The following WWP1 variants were observed in gnomAD, a reference collection of about 807,000 sequenced individuals.
WWP1 encodes WW domain containing E3 ubiquitin protein ligase 1, also known as NEDD4-like E3 ubiquitin-protein ligase WWP1.
WWP1 carries 49 observed loss-of-function variants against 130.6 expected under a neutral mutation model. The observed-to-expected ratio is 0.38, with a 90% CI of 0.30 to 0.48. The LOEUF (loss-of-function observed/expected upper bound fraction) is 0.48, where lower values mean the gene tolerates loss of function less well. Among genes scored for constraint, WWP1 ranks in the 20% least tolerant of loss-of-function variants. The probability of loss-of-function intolerance (pLI) is 0.99; values close to 1 mark genes in which losing one functional copy is unlikely to be tolerated. For synonymous variants in WWP1, 332 were observed against 367.8 expected, an observed-to-expected ratio of 0.90 and a Z score of 1.11; for missense variants, 809 against 1,100.6, an observed-to-expected ratio of 0.74 and a Z score of 3.75.
At chr8:86,425,888 T>A (rs1360354848) in intron 10 of WWP1, among the ~76,000 whole-genome samples, 1 of 152,176 alleles carries the variant, frequency 6.6e-6, no homozygotes, top group Non-Finnish European at 1.5e-5. Context: ...TTCATAACTG[T>A]CTACATAACT....
chr8:86,353,104 A>G (rs1400436449), intron 1 of WWP1, among the ~76,000 whole-genome samples: 1 of 152,228 alleles, frequency 6.6e-6, no homozygotes, highest in Non-Finnish European at 1.5e-5. Flanking sequence ...GGTTGGGGGC[A>G]TGATGTGTCT....
intron 3 of WWP1, among the ~76,000 whole-genome samples, chr8:86,374,475 G>A (rs997578645): frequency 1.3e-5 from 2 of 151,526 alleles, no homozygotes; most frequent in African/African-American, 2.4e-5. Flanking sequence ...AAATATTTAA[G>A]TGGGATTACA....
At chr8:86,411,386 A>T in intron 8 of WWP1, 152 bp from the exon 9 acceptor site, 1 of 617,076 alleles carries the variant, frequency 1.6e-6, no homozygotes, top group Non-Finnish European at 2.7e-6. Context: ...TTTATGTTAC[A>T]TATTTTGAAA....
chr8:86,411,419 G>T, intron 8 of WWP1, 119 bp from the exon 9 acceptor site: 2 of 743,906 alleles, frequency 2.7e-6, no homozygotes, highest in South Asian at 4.9e-5. Flanking sequence ...CTGCTGTTTG[G>T]AGAATGGATT....
chr8:86,432,908 C>T (rs1483848646), intron 14 of WWP1, among the ~76,000 whole-genome samples: 1 of 152,100 alleles, frequency 6.6e-6, no homozygotes, highest in East Asian at 1.9e-4. Context: ...ACACCCAGCC[C>T]ACAGTTCATT....
At chr8:86,379,848 G>T (rs1824880531) in intron 3 of WWP1, among the ~76,000 whole-genome samples, 1 of 152,140 alleles carries the variant, frequency 6.6e-6, no homozygotes, top group Admixed American at 6.6e-5. Flanking sequence ...TGAATCTGAA[G>T]ACACTTTTCC....
rs553208357 is a variant in WWP1, at chr8:86,408,421, C to T, written c.725-3117C>T. 6.6e-5 allele frequency among the ~76,000 whole-genome samples: 10 copies of T among 152,264 alleles called. No individual in the cohort carries two copies. The East Asian group carries it at 9.6e-4, about 15-fold the overall frequency. ...AAAGTATGTTTACTTTTGTAACAAACGGCCAAACTGTCTTCCAAAGTGGCT... is the reference window on the plus strand; with the variant it reads ...AAAGTATGTTTACTTTTGTAACAAATGGCCAAACTGTCTTCCAAAGTGGCT... On this transcript the variant is annotated intron_variant, in intron 8 of 24. Transcript: ENST00000517970.
At chr8:86,463,454 G>A (rs1276715703) in intron 24 of WWP1, among the ~76,000 whole-genome samples, 4 of 151,652 alleles carry the variant, frequency 2.6e-5, no homozygotes, top group East Asian at 2.0e-4. Flanking sequence ...TTATAGGCGC[G>A]CACCACCACG....
At chr8:86,444,773 A>C (rs1337096932) in intron 18 of WWP1, among the ~76,000 whole-genome samples, 2 of 152,180 alleles carry the variant, frequency 1.3e-5, no homozygotes, top group South Asian at 2.1e-4. Flanking sequence ...GGATACAGCA[A>C]ATATAAACAA....
intron 11 of WWP1, among the ~76,000 whole-genome samples, chr8:86,430,027 T>C (rs1195146146): frequency 6.6e-6 from 1 of 152,004 alleles, no homozygotes; most frequent in African/African-American, 2.4e-5. Context: ...GGCAAAACCT[T>C]GTCTCTACAA....
chr8:86,412,862 CTTG>C (rs1300344778), intron 9 of WWP1, among the ~76,000 whole-genome samples: 1 of 152,020 alleles, frequency 6.6e-6, no homozygotes, highest in Non-Finnish European at 1.5e-5. Context: ...GAGTTTCATT[CTTG>C]TTGGCCAGGC....
Position 86,452,593 on chromosome 8 carries a change from C to G in WWP1, c.2308C>G (p.Gln770Glu). 1 of 1,612,550 alleles carries G rather than the reference C, an allele frequency of 6.2e-7. No homozygotes were observed. The highest frequency in any genetic ancestry group is 8.5e-7 in the Non-Finnish European group (1 of 1,179,248). Reference protein sequence around the residue: ...MTEWRFSRGVQEQTKAFLDGF... With the variant: ...MTEWRFSRGVEEQTKAFLDGF... ...AGAATGGCGTTTTTCTCGAGGAGTA[C>G]AAGAACAGACCAAAGCTTTCCTTGA... The change falls in exon 21 of 25, where the codon CAA becomes GAA. Residue 770 changes from glutamine to glutamate, a missense_variant. This residue lies in a region of WWP1 where 450 missense variants were observed against 674.2 expected (regional missense o/e 0.67). Coordinates refer to ENST00000517970, the MANE Select transcript of WWP1 (RefSeq NM_007013.4).
intron 1 of WWP1, among the ~76,000 whole-genome samples, chr8:86,361,294 C>T (rs1307589180): frequency 6.6e-6 from 1 of 152,084 alleles, no homozygotes; most frequent in African/African-American, 2.4e-5. Context: ...GACATATTAA[C>T]ATATCCCCTT....
intron 1 of WWP1, among the ~76,000 whole-genome samples, chr8:86,348,240 C>T (rs548408811): frequency 5.3e-5 from 8 of 150,522 alleles, no homozygotes; most frequent in South Asian, 4.2e-4. Context: ...TTTTTTGAGA[C>T]GGAGTTTCCC....
chr8:86,438,832 C>G (rs1407785771), intron 17 of WWP1, among the ~76,000 whole-genome samples, 159 bp downstream of exon 17: 2 of 152,028 alleles, frequency 1.3e-5, no homozygotes, highest in Non-Finnish European at 2.9e-5. Context: ...ATTATTATTA[C>G]TACTCTTGGT....
At chr8:86,405,282 T>C (rs1456635511) in intron 8 of WWP1, among the ~76,000 whole-genome samples, 1 of 152,178 alleles carries the variant, frequency 6.6e-6, no homozygotes, top group Non-Finnish European at 1.5e-5. Flanking sequence ...TTTTAATCTC[T>C]TAATCTGCAG....
chr8:86,375,750 T>C (rs927871417), intron 3 of WWP1, among the ~76,000 whole-genome samples: 3 of 152,236 alleles, frequency 2.0e-5, no homozygotes, highest in Admixed American at 1.3e-4. Flanking sequence ...AAGTCGTTTC[T>C]TATGTCTGCT....
At chr8:86,357,633 C>A (rs1277971219) in intron 1 of WWP1, among the ~76,000 whole-genome samples, 1 of 152,146 alleles carries the variant, frequency 6.6e-6, no homozygotes, top group Non-Finnish European at 1.5e-5. Context: ...ATTTAGTATT[C>A]AGTGAGATAA....
At chr8:86,369,877 C>A (rs1824184604) in intron 2 of WWP1, among the ~76,000 whole-genome samples, 1 of 152,048 alleles carries the variant, frequency 6.6e-6, no homozygotes, top group Admixed American at 6.6e-5. Context: ...ACTGTATCTA[C>A]TTCCGTGCCT....
Sources: allele counts gnomAD v4.1 joint callset (sites outside exome capture counted in the v4.1 genomes callset), GRCh38; gene constraint gnomAD v4.1.1; regional missense constraint gnomAD v4.1.1; transcripts MANE v1.5; gene names NCBI Gene and HGNC (gene_info 2026-07-23, HGNC 2026-07-21).